Variants in TMEM144 observed in about 807,000 individuals in gnomAD.
The protein encoded by TMEM144 is transmembrane protein 144.
Under a neutral mutation model 43.6 loss-of-function variants are expected in TMEM144, and 39 were observed. That is an observed-to-expected ratio of 0.90 (90% CI 0.69 to 1.17). The LOEUF is 1.17. TMEM144 is among the 50% of genes most tolerant of loss of function. The pLI is 0.00. For missense variants in TMEM144, 417 were observed against 411.9 expected, an observed-to-expected ratio of 1.01 and a Z score of -0.11; for synonymous variants, 154 against 133.6, an observed-to-expected ratio of 1.15 and a Z score of -1.06.
chr4:158,212,532 C>T, intron 2 of TMEM144, 76 bp from the exon 3 acceptor site: 1 of 604,410 alleles, frequency 1.7e-6, no homozygotes. Context: ...TTGAAAAATT[C>T]AATAAATATA....
Position 158,227,146 on chromosome 4 carries a change from C to T in TMEM144, c.414-5755C>T, listed in dbSNP as rs141242620. On this transcript the variant is annotated intron_variant, in intron 6 of 12. Transcript: ENST00000296529. ...GATGGCTTTTTTTTTTTTTTCCTAACGGAATAGCCTCATACCTTAATATTT... is the reference window on the plus strand; with the variant it reads ...GATGGCTTTTTTTTTTTTTTCCTAATGGAATAGCCTCATACCTTAATATTT... Among the ~76,000 whole-genome samples the T allele has an allele frequency of 1.8e-3, 255 of 145,436 alleles. 1 individual carries two copies. The highest frequency in any genetic ancestry group is 4.6e-3 in the African/African-American group (178 of 38,612).
At chr4:158,222,567 T>C (rs991292948) in intron 6 of TMEM144, among the ~76,000 whole-genome samples, 1 of 152,226 alleles carries the variant, frequency 6.6e-6, no homozygotes, top group African/African-American at 2.4e-5. Flanking sequence ...TTTGTGCTTC[T>C]TCCATTATTG....
At chr4:158,232,098 C>G (rs1484590264) in intron 6 of TMEM144, among the ~76,000 whole-genome samples, 1 of 152,134 alleles carries the variant, frequency 6.6e-6, no homozygotes, top group Non-Finnish European at 1.5e-5. Flanking sequence ...CAACGTTGTT[C>G]ATTTTCTCAA....
Position 158,255,256 on chromosome 4 carries a change from TA to T in TMEM144, c.*1732del, listed in dbSNP as rs957640492. The stretch of plus-strand genomic sequence containing the variant: ...CTGAAATGTCATTAAATTATGCTGA[TA>T]AACTTTGAATAAATTGTGATACAAA... On this transcript the variant is annotated 3_prime_UTR_variant, in exon 13 of 13. Coordinates refer to ENST00000296529, the MANE Select transcript of TMEM144 (RefSeq NM_018342.5). The T allele has an allele frequency of 1.6e-4, 24 of 152,138 alleles. No homozygotes were observed. The highest frequency in any genetic ancestry group is 5.3e-4 in the African/African-American group (22 of 41,546). The allele number at this position is 152,138 out of a possible 1,614,324, so 9.4% of individuals were successfully genotyped here.
intron 10 of TMEM144, among the ~76,000 whole-genome samples, chr4:158,241,125 GTT>G (rs772423595): frequency 2.7e-5 from 4 of 146,994 alleles, no homozygotes; most frequent in Non-Finnish European, 3.0e-5. Flanking sequence ...AATACTACAG[GTT>G]TTTTTTTTTT....
chr4:158,213,906 T>C (rs1734086912), intron 3 of TMEM144: 1 of 152,236 alleles, frequency 6.6e-6, no homozygotes, highest in East Asian at 1.9e-4. Context: ...TTTTTTAGTC[T>C]TCCACAATTA....
At chr4:158,222,535 T>C (rs1579111504) in intron 6 of TMEM144, among the ~76,000 whole-genome samples, 1 of 152,216 alleles carries the variant, frequency 6.6e-6, no homozygotes, top group South Asian at 2.1e-4. Flanking sequence ...AGTTAGACTC[T>C]TCCCCTAAAC....
chr4:158,227,731 G>C (rs1214883344), intron 6 of TMEM144, among the ~76,000 whole-genome samples: 2 of 152,070 alleles, frequency 1.3e-5, no homozygotes, highest in Non-Finnish European at 2.9e-5. Flanking sequence ...AACTGGTCTG[G>C]GTGCCCTGGC....
At chr4:158,219,598 A>G (rs1328174362) in intron 6 of TMEM144, among the ~76,000 whole-genome samples, 3 of 152,142 alleles carry the variant, frequency 2.0e-5, no homozygotes, top group Admixed American at 6.6e-5. Flanking sequence ...GCTCTCCAAA[A>G]CTCTGAGAGC....
chr4:158,241,631 A>G (rs1194654038), intron 11 of TMEM144, 25 bp downstream of exon 11: 3 of 1,601,814 alleles, frequency 1.9e-6, no homozygotes, highest in African/African-American at 1.3e-5. Context: ...TGGTTTTCCT[A>G]ATTTTCATTT....
chr4:158,255,117 A>G lies in TMEM144; in HGVS notation c.*1590A>G, dbSNP rs1175326891. 6.6e-6 allele frequency: 1 copy of G among 151,244 alleles called. No individual in the cohort carries two copies. Among genetic ancestry groups the G allele is most frequent in the African/African-American group, 2.4e-5 (1 of 41,238 alleles). 9.4% of individuals were successfully genotyped at this position (151,244 alleles called of 1,614,324 possible). A position where few individuals can be genotyped will look rare whatever the true frequency, so the allele number is the denominator to read the frequency against. On this transcript the variant is annotated 3_prime_UTR_variant, in exon 13 of 13. Coordinates refer to ENST00000296529, the MANE Select transcript of TMEM144 (RefSeq NM_018342.5). Reference sequence around the variant, plus strand: ...TCACCACCTTCCCATCCAAACAATTATTACTCCTCTAAATGAATACTACTT... The same window carrying G: ...TCACCACCTTCCCATCCAAACAATTGTTACTCCTCTAAATGAATACTACTT...
At chr4:158,228,417 G>A (rs1396798504) in intron 6 of TMEM144, among the ~76,000 whole-genome samples, 2 of 150,880 alleles carry the variant, frequency 1.3e-5, no homozygotes, top group Non-Finnish European at 3.0e-5. Context: ...ATAAGGGCAC[G>A]CCATGGGTGA....
intron 3 of TMEM144, among the ~76,000 whole-genome samples, chr4:158,214,207 C>A (rs1239139085): frequency 6.6e-6 from 1 of 151,948 alleles, no homozygotes; most frequent in East Asian, 1.9e-4. Context: ...CGGCTAATTT[C>A]TTATATTTAT....
chr4:158,235,603 A>T lies in TMEM144; in HGVS notation c.563+98A>T, dbSNP rs147586359. On this transcript the variant is annotated intron_variant, in intron 8 of 12. Transcript: ENST00000296529. ...GTAATGTTCATCTGAGTTCAAGAAG[A>T]AAATTGTAATGCAAGCTTTGACTTC... The T allele has an allele frequency of 2.0e-4, 249 of 1,253,650 alleles. No homozygotes were observed. The East Asian group carries it at 5.7e-3, about 28-fold the overall frequency. The allele number at this position is 1,253,650 out of a possible 1,614,324, so 77.7% of individuals were successfully genotyped here.
intron 2 of TMEM144, chr4:158,212,310 C>T (rs1157124815): frequency 6.1e-6 from 1 of 162,722 alleles, no homozygotes; most frequent in Non-Finnish European, 1.3e-5. Context: ...ATAAGCTTAG[C>T]AGCGTTATCC....
intron 7 of TMEM144, 192 bp from the exon 8 acceptor site, chr4:158,235,246 C>G (rs1735281307): frequency 5.8e-6 from 3 of 519,702 alleles, no homozygotes; most frequent in Non-Finnish European, 9.8e-6. Context: ...TGCCAACTGC[C>G]AAGTCATCCT....
intron 4 of TMEM144, 58 bp downstream of exon 4, chr4:158,215,371 C>A: frequency 6.3e-7 from 1 of 1,575,288 alleles, no homozygotes; most frequent in Non-Finnish European, 8.6e-7. Context: ...AAATAATTCT[C>A]GTTCACAATA....
intron 6 of TMEM144, among the ~76,000 whole-genome samples, chr4:158,221,939 A>G (rs889927322): frequency 4.6e-5 from 7 of 152,166 alleles, no homozygotes. Context: ...CCCAATCAGA[A>G]TTACTTTTCT....
intron 7 of TMEM144, 55 bp from the exon 8 acceptor site, chr4:158,235,383 T>G: frequency 6.4e-7 from 1 of 1,566,862 alleles, no homozygotes; most frequent in Non-Finnish European, 8.8e-7. Flanking sequence ...TTGTCACCAG[T>G]GTGATTATCA....
Sources: gnomAD v4.1 joint callset for allele counts (sites outside exome capture counted in the v4.1 genomes callset) on GRCh38, gnomAD v4.1.1 for gene constraint, MANE v1.5 for transcripts, NCBI Gene and HGNC (gene_info 2026-07-23, HGNC 2026-07-21) for gene names.